EPHA3: variants seen among roughly 807,000 people sequenced by gnomAD.
EPHA3 encodes the protein ephrin type-A receptor 3.
EPHA3 carries 42 observed loss-of-function variants against 107.1 expected under a neutral mutation model. That is an observed-to-expected ratio of 0.39 (90% CI 0.31 to 0.51). EPHA3 has a LOEUF of 0.51. Ranked by LOEUF, EPHA3 falls within the 20% of genes least tolerant of loss-of-function variation. EPHA3 has a pLI of 0.78. For synonymous variants in EPHA3, 461 were observed against 424.8 expected (o/e 1.09, Z -1.05); for missense variants, 1,183 against 1,211.2 (o/e 0.98, Z 0.35).
intron 15 of EPHA3, among the ~76,000 whole-genome samples, chr3:89,453,658 C>A (rs1181456317): frequency 6.6e-6 from 1 of 152,132 alleles, no homozygotes; most frequent in Non-Finnish European, 1.5e-5. Context: ...TTACTATATG[C>A]AACTATGTCA....
chr3:89,240,430 T>A (rs1704867855), intron 3 of EPHA3, among the ~76,000 whole-genome samples: 4 of 152,070 alleles, frequency 2.6e-5, no homozygotes, highest in Admixed American at 2.6e-4. Flanking sequence ...TGCAATACAT[T>A]TGTATTATTT....
At chr3:89,227,996 G>A (rs908291047) in intron 3 of EPHA3, among the ~76,000 whole-genome samples, 1 of 151,932 alleles carries the variant, frequency 6.6e-6, no homozygotes, top group Non-Finnish European at 1.5e-5. Flanking sequence ...TAATTAAAGT[G>A]TATTGTGCAT....
At chr3:89,412,109 A>T (rs564492205) in intron 9 of EPHA3, among the ~76,000 whole-genome samples, 285 of 151,934 alleles carry the variant, frequency 1.9e-3, no homozygotes, top group Non-Finnish European at 3.3e-3. Context: ...GATCATATTT[A>T]TATAGTTTAG....
intron 3 of EPHA3, among the ~76,000 whole-genome samples, chr3:89,269,761 C>G (rs574965608): frequency 4.5e-4 from 53 of 116,634 alleles, no homozygotes; most frequent in African/African-American, 1.7e-3. Context: ...CCCCTCCCCC[C>G]ACCCCACAAC....
chr3:89,161,057 T>A (rs1243998356), intron 2 of EPHA3, among the ~76,000 whole-genome samples: 3 of 152,182 alleles, frequency 2.0e-5, no homozygotes, highest in African/African-American at 7.2e-5. Context: ...ATCTGAGTGA[T>A]GATCTCATCT....
chr3:89,350,207 A>G (rs1349817256), intron 5 of EPHA3, among the ~76,000 whole-genome samples: 1 of 150,842 alleles, frequency 6.6e-6, no homozygotes, highest in Non-Finnish European at 1.5e-5. Context: ...TATCCTGCAG[A>G]GTGTTTTCCA....
At chr3:89,449,446 T>C in intron 14 of EPHA3, 72 bp downstream of exon 14, 1 of 1,348,204 alleles carries the variant, frequency 7.4e-7, no homozygotes, top group Non-Finnish European at 9.8e-7. Flanking sequence ...TGGAACATAA[T>C]GTAACTGGGT....
intron 16 of EPHA3, among the ~76,000 whole-genome samples, chr3:89,476,234 A>G (rs1710504303): frequency 6.8e-6 from 1 of 147,922 alleles, no homozygotes; most frequent in African/African-American, 2.5e-5. Flanking sequence ...TTATATATAT[A>G]TATGTTTGCT....
chr3:89,350,247 G>A (rs1484312544), intron 5 of EPHA3, among the ~76,000 whole-genome samples: 3 of 150,260 alleles, frequency 2.0e-5, no homozygotes, highest in African/African-American at 7.3e-5. Context: ...GTCACTTTCA[G>A]GTACACCAAT....
intron 3 of EPHA3, among the ~76,000 whole-genome samples, chr3:89,326,637 G>C (rs909718396): frequency 6.6e-6 from 1 of 151,640 alleles, no homozygotes; most frequent in Non-Finnish European, 1.5e-5. Flanking sequence ...AGATCCACCT[G>C]TCTCAGCCTC....
intron 3 of EPHA3, among the ~76,000 whole-genome samples, chr3:89,277,095 G>A (rs964764116): frequency 9.2e-5 from 14 of 152,040 alleles, no homozygotes; most frequent in African/African-American, 2.7e-4. Context: ...TGGTATCTTC[G>A]TGTGTTTGCT....
At chr3:89,471,244 CAT>C (rs1397189794) in intron 15 of EPHA3, among the ~76,000 whole-genome samples, 1 of 151,658 alleles carries the variant, frequency 6.6e-6, no homozygotes, top group African/African-American at 2.4e-5. Context: ...GGGAGGCAAA[CAT>C]TGTCTCATTC....
intron 15 of EPHA3, among the ~76,000 whole-genome samples, chr3:89,469,536 C>A (rs536337627): frequency 6.6e-6 from 1 of 152,122 alleles, no homozygotes; most frequent in African/African-American, 2.4e-5. Flanking sequence ...TTGAGCAGGT[C>A]TTTTGTACAT....
chr3:89,367,620 C>G (rs1252841648), intron 5 of EPHA3, among the ~76,000 whole-genome samples: 1 of 150,796 alleles, frequency 6.6e-6, no homozygotes. Flanking sequence ...AATTAAGATT[C>G]CTCTTATGTG....
intron 3 of EPHA3, among the ~76,000 whole-genome samples, chr3:89,304,356 C>T (rs1434985984): frequency 6.6e-6 from 1 of 152,046 alleles, no homozygotes. Context: ...CTCCACTTCC[C>T]TCCAATGGTT....
chr3:89,132,256 A>T (rs1704222282), intron 2 of EPHA3, among the ~76,000 whole-genome samples: 1 of 152,168 alleles, frequency 6.6e-6, no homozygotes, highest in South Asian at 2.1e-4. Context: ...ATATCACTGA[A>T]CCACTGAATT....
At chr3:89,194,030 T>C (rs753945320) in intron 2 of EPHA3, among the ~76,000 whole-genome samples, 5 of 152,020 alleles carry the variant, frequency 3.3e-5, no homozygotes, top group Admixed American at 6.6e-5. Context: ...TGTAAACATA[T>C]GATAATTTTC....
intron 2 of EPHA3, among the ~76,000 whole-genome samples, chr3:89,199,416 T>A (rs1355253963): frequency 6.6e-6 from 1 of 152,158 alleles, no homozygotes; most frequent in Admixed American, 6.6e-5. Context: ...GACATTATTC[T>A]CCTCACAAGA....
chr3:89,421,870 T>A (rs1185834846), intron 11 of EPHA3, among the ~76,000 whole-genome samples: 1 of 151,232 alleles, frequency 6.6e-6, no homozygotes, highest in Non-Finnish European at 1.5e-5. Flanking sequence ...CTAAAATGAC[T>A]TTTAAAAATT....
Sources: allele counts gnomAD v4.1 joint callset (sites outside exome capture counted in the v4.1 genomes callset), GRCh38; gene constraint gnomAD v4.1.1; transcripts MANE v1.5; gene names NCBI Gene and HGNC (gene_info 2026-07-23, HGNC 2026-07-21).